The following CCDC33 variants were observed in gnomAD, a reference collection of about 807,000 sequenced individuals.
CCDC33 encodes coiled-coil domain-containing protein 33.
A neutral mutation model predicts 91.9 loss-of-function variants in CCDC33; 94 were observed. The observed-to-expected ratio is 1.02, with a 90% CI of 0.87 to 1.21. The LOEUF (loss-of-function observed/expected upper bound fraction) is 1.21. Among genes scored for constraint, CCDC33 ranks in the 50% most tolerant of loss-of-function variants. The pLI, the probability that CCDC33 is intolerant of heterozygous loss-of-function variation, is 0.00. For missense variants in CCDC33, 940 were observed against 935.5 expected (o/e 1.00, Z -0.06); for synonymous variants, 396 against 374.5 (o/e 1.06, Z -0.66).
At chr15:74,266,399 T>A (rs1308915478) in intron 3 of CCDC33, among the ~76,000 whole-genome samples, 1 of 152,212 alleles carries the variant, frequency 6.6e-6, no homozygotes, top group Non-Finnish European at 1.5e-5. Flanking sequence ...TCTGTGTGTG[T>A]CTATCTCTGA....
chr15:74,223,723 T>TACACACACACACACACACACACAC (rs55820464), intron 2 of CCDC33, among the ~76,000 whole-genome samples: 2 of 112,190 alleles, frequency 1.8e-5, no homozygotes, highest in African/African-American at 6.4e-5. Context: ...ACCGCCAGCA[T>TACACACACACACACACACACACAC]ACACACACAC....
chr15:74,293,121 A>G (rs2629729), intron 10 of CCDC33, among the ~76,000 whole-genome samples: 8,068 of 152,150 alleles, frequency 0.053, 560 homozygotes, highest in African/African-American at 0.16. Context: ...GAGACAGGCT[A>G]TGGGGGAGGG....
intron 3 of CCDC33, among the ~76,000 whole-genome samples, chr15:74,265,361 ATC>A (rs1310772046): frequency 2.6e-5 from 4 of 151,516 alleles, no homozygotes; most frequent in African/African-American, 9.7e-5. Context: ...TTCTTACCTC[ATC>A]TCTCTCATTC....
At chr15:74,336,346 C>T (rs780714107), downstream of CCDC33, 32 of 1,358,116 alleles carry the variant, frequency 2.4e-5, no homozygotes, top group South Asian at 7.4e-5. Flanking sequence ...GCCAGGGAGA[C>T]GGGCCCCTTC....
chr15:74,240,112 GC>G (rs2075300496), intron 1 of CCDC33, among the ~76,000 whole-genome samples: 1 of 152,268 alleles, frequency 6.6e-6, no homozygotes, highest in Non-Finnish European at 1.5e-5. Context: ...TGCCCAGCGG[GC>G]ACATGCCTGC....
chr15:74,231,813 C>T (rs564971838), upstream of CCDC33, among the ~76,000 whole-genome samples: 5 of 152,086 alleles, frequency 3.3e-5, no homozygotes, highest in Admixed American at 1.3e-4. Flanking sequence ...GTCAGGAGTT[C>T]GAGACCAGCC....
chr15:74,305,314 G>A (rs1241855212), intron 11 of CCDC33, among the ~76,000 whole-genome samples: 3 of 152,322 alleles, frequency 2.0e-5, no homozygotes, highest in African/African-American at 7.2e-5. Context: ...TTTTGCAAGG[G>A]TGCACCCTGA....
intron 17 of CCDC33, 71 bp from the exon 18 acceptor site, chr15:74,334,903 CT>C: frequency 8.0e-7 from 1 of 1,254,670 alleles, no homozygotes; most frequent in Non-Finnish European, 1.2e-6. Context: ...GGCTCAGGCC[CT>C]GGTTGTCCTG....
At chr15:74,212,964 C>T (rs1254617656), upstream of CCDC33, 1 of 152,174 alleles carries the variant, frequency 6.6e-6, no homozygotes, top group Non-Finnish European at 1.5e-5. Context: ...CCTATAATCC[C>T]AGCACTTTGG....
intron 11 of CCDC33, chr15:74,304,323 A>G (rs1040803946): frequency 6.6e-6 from 1 of 152,106 alleles, no homozygotes; most frequent in African/African-American, 2.4e-5. Context: ...CAAGGCGGAG[A>G]ATAAAAAGGA....
intron 2 of CCDC33, among the ~76,000 whole-genome samples, chr15:74,226,291 C>T (rs1230709319): frequency 6.6e-6 from 1 of 152,180 alleles, no homozygotes; most frequent in Non-Finnish European, 1.5e-5. Context: ...AGTTTAGAAC[C>T]TCATTTCCCA....
rs2075445617 is a variant in CCDC33 at position 74,244,198 on chromosome 15, A to G, written c.185+50A>G. On this transcript the variant is annotated intron_variant, in intron 2 of 18. Coordinates refer to ENST00000398814, the MANE Select transcript of CCDC33 (RefSeq NM_025055.5). This position sits in a 1 kb window ranked among gnomAD's most constrained non-coding sequence, Gnocchi z 4.2. ...GCAGGGGATGGGTTGGGCTGTGAGC[A>G]GAAACCAGGGGACAGCTATTTGGAA... 1.3e-6 allele frequency: 2 copies of G among 1,571,600 alleles called. No homozygotes were observed. The highest frequency in any genetic ancestry group is 1.7e-6 in the Non-Finnish European group (2 of 1,155,768).
At chr15:74,282,762 C>T (rs1336588988) in intron 10 of CCDC33, among the ~76,000 whole-genome samples, 2 of 152,188 alleles carry the variant, frequency 1.3e-5, no homozygotes, top group Non-Finnish European at 1.5e-5. Context: ...GCCCTGCCTG[C>T]TGGATGAGCC....
At chr15:74,334,040 G>A (rs2060499810) in intron 17 of CCDC33, 73 bp downstream of exon 17, 1 of 1,332,692 alleles carries the variant, frequency 7.5e-7, no homozygotes, top group Non-Finnish European at 1.1e-6. Flanking sequence ...CTCAGTGTGT[G>A]AGCAGAGTCT....
intron 2 of CCDC33, among the ~76,000 whole-genome samples, chr15:74,211,221 C>T (rs779232891): frequency 1.1e-4 from 17 of 151,898 alleles, no homozygotes; most frequent in African/African-American, 1.7e-4. Flanking sequence ...CTTCCTAGAG[C>T]TTGGACTCCG....
chr15:74,226,185 A>G (rs2074790271), intron 2 of CCDC33, among the ~76,000 whole-genome samples: 1 of 152,190 alleles, frequency 6.6e-6, no homozygotes, highest in Non-Finnish European at 1.5e-5. Context: ...ATCACTTTCC[A>G]AGCCGATTGT....
intron 11 of CCDC33, among the ~76,000 whole-genome samples, chr15:74,312,370 G>A (rs944525901): frequency 2.0e-5 from 3 of 152,162 alleles, no homozygotes; most frequent in South Asian, 2.1e-4. Context: ...AGGGTCCCCC[G>A]TGCCTAGAGG....
At chr15:74,294,257 A>G (rs952190431) in intron 10 of CCDC33, among the ~76,000 whole-genome samples, 2 of 152,216 alleles carry the variant, frequency 1.3e-5, no homozygotes, top group African/African-American at 4.8e-5. Flanking sequence ...AGAGGATTCC[A>G]ACAGCTGGTG....
intron 11 of CCDC33, among the ~76,000 whole-genome samples, chr15:74,321,802 A>C (rs2060212640): frequency 6.6e-6 from 1 of 152,232 alleles, no homozygotes; most frequent in African/African-American, 2.4e-5. Flanking sequence ...CTGTTTGGCA[A>C]ATCTGGCAGG....
Sources: allele counts gnomAD v4.1 joint callset (sites outside exome capture counted in the v4.1 genomes callset), GRCh38; gene constraint gnomAD v4.1.1; non-coding constraint Gnocchi (gnomAD v3.1); transcripts MANE v1.5; gene names NCBI Gene and HGNC (gene_info 2026-07-23, HGNC 2026-07-21).